DSE: variants seen among roughly 807,000 people sequenced by gnomAD.
The protein encoded by DSE is dermatan-sulfate epimerase.
A neutral mutation model predicts 84.4 loss-of-function variants in DSE; 36 were observed. The ratio of observed to expected loss-of-function variants is 0.43; its 90% CI spans 0.33 to 0.56. The LOEUF (loss-of-function observed/expected upper bound fraction) is 0.56. Ranked by LOEUF, DSE falls within the 20% of genes least tolerant of loss-of-function variation. The pLI is 0.06. For synonymous variants in DSE, 410 were observed against 430.1 expected, an observed-to-expected ratio of 0.95 and a Z score of 0.58; for missense variants, 862 against 1,169.6, an observed-to-expected ratio of 0.74 and a Z score of 3.84.
chr6:116,335,084 T>C (rs1273677792), intron 2 of DSE, among the ~76,000 whole-genome samples: 2 of 152,186 alleles, frequency 1.3e-5, no homozygotes, highest in Non-Finnish European at 1.5e-5. Context: ...TGTATGTTCA[T>C]TGCAGCACTA....
chr6:116,295,360 T>C (rs1398554004), intron 2 of DSE, among the ~76,000 whole-genome samples: 2 of 152,196 alleles, frequency 1.3e-5, no homozygotes, highest in Non-Finnish European at 2.9e-5. Flanking sequence ...TGGAGTATTA[T>C]GTTCTGCTGT....
At chr6:116,292,577 G>T (rs1281509046) in intron 2 of DSE, among the ~76,000 whole-genome samples, 1 of 152,148 alleles carries the variant, frequency 6.6e-6, no homozygotes, top group Non-Finnish European at 1.5e-5. Flanking sequence ...TCAAGGAGAT[G>T]CAGGGTTGAG....
chr6:116,434,131 A>G (rs1784010344), intron 5 of DSE, among the ~76,000 whole-genome samples: 1 of 152,166 alleles, frequency 6.6e-6, no homozygotes, highest in Admixed American at 6.6e-5. Context: ...CACTTTGATA[A>G]TAAAAGGACC....
rs1378234316 is a variant in DSE at position 116,435,678 on chromosome 6, AG to A, written c.1211del (p.Ser404MetfsTer81). The A allele has an allele frequency of 6.2e-7, 1 of 1,614,148 alleles. No homozygotes were observed. Among genetic ancestry groups the A allele is most frequent in the South Asian group, 1.1e-5 (1 of 91,084 alleles). ...AGACTGGGGTGTCGTGACTTATGGA[AG>A]TGCACTACCTGCAGAAATCAATAGA... ...FEDWGVVTYG[S>X]ALPAEINRSF... On this transcript the variant is annotated frameshift_variant, in exon 6 of 6. Coordinates refer to ENST00000644252, the MANE Select transcript of DSE (RefSeq NM_013352.4). LOFTEE classifies it high-confidence loss of function.
chr6:116,421,464 T>TATATATATATATA (rs57759351), intron 2 of DSE, among the ~76,000 whole-genome samples: 28 of 39,808 alleles, frequency 7.0e-4, no homozygotes, highest in African/African-American at 2.8e-3. Flanking sequence ...TATATATATA[T>TATATATATATATA]TTTTTTTTTT....
intron 1 of DSE, among the ~76,000 whole-genome samples, chr6:116,395,430 TAAAG>T (rs1312717407): frequency 6.6e-6 from 1 of 151,522 alleles, no homozygotes; most frequent in Non-Finnish European, 1.5e-5. Context: ...GTCTAAAAAA[TAAAG>T]AAAGTGGGAG....
At chr6:116,386,221 C>G (rs922260457) in intron 1 of DSE, among the ~76,000 whole-genome samples, 1 of 152,162 alleles carries the variant, frequency 6.6e-6, no homozygotes, top group Admixed American at 6.6e-5. Flanking sequence ...GTGAAAGTAT[C>G]ACATTTTCTT....
At chr6:116,383,669 CTTTCTCAT>C (rs1780390950) in intron 1 of DSE, among the ~76,000 whole-genome samples, 1 of 152,186 alleles carries the variant, frequency 6.6e-6, no homozygotes, top group African/African-American at 2.4e-5. Flanking sequence ...CTCTGGGCAC[CTTTCTCAT>C]ATTATCATTC....
At chr6:116,319,956 T>G (rs1173264706) in intron 2 of DSE, among the ~76,000 whole-genome samples, 1 of 152,200 alleles carries the variant, frequency 6.6e-6, no homozygotes, top group African/African-American at 2.4e-5. Context: ...TTGGTAACTG[T>G]CCCTGACTTT....
intron 2 of DSE, among the ~76,000 whole-genome samples, chr6:116,298,335 A>T (rs926399090): frequency 6.6e-6 from 1 of 152,220 alleles, no homozygotes; most frequent in African/African-American, 2.4e-5. Context: ...TGACCTTGAG[A>T]TAGGGATATT....
chr6:116,337,994 C>T (rs191594609), intron 2 of DSE, among the ~76,000 whole-genome samples: 1 of 152,134 alleles, frequency 6.6e-6, no homozygotes, highest in Non-Finnish European at 1.5e-5. Flanking sequence ...ACTTCAGAAA[C>T]TAGAAGAAAT....
intron 2 of DSE, among the ~76,000 whole-genome samples, chr6:116,404,062 T>C (rs892196373): frequency 6.6e-6 from 1 of 152,132 alleles, no homozygotes; most frequent in African/African-American, 2.4e-5. Flanking sequence ...GAATTTTGCA[T>C]GTGTAGAAAA....
At chr6:116,369,747 G>A, upstream of DSE, 1 of 409,772 alleles carries the variant, frequency 2.4e-6, no homozygotes, top group Non-Finnish European at 4.5e-6. Context: ...TTTGTAAGGA[G>A]TTCCTCTTAA....
chr6:116,321,337 A>ATT (rs66863151), intron 2 of DSE, among the ~76,000 whole-genome samples: 24,880 of 115,286 alleles, frequency 0.22, 2,588 homozygotes, highest in East Asian at 0.45. Context: ...CTAATTTTTC[A>ATT]TTTTTTTTTT....
At chr6:116,353,175 G>C (rs1193332444) in intron 2 of DSE, among the ~76,000 whole-genome samples, 3 of 152,156 alleles carry the variant, frequency 2.0e-5, no homozygotes, top group Non-Finnish European at 4.4e-5. Context: ...GTGTGGGTCT[G>C]TGTGTGTATA....
intron 2 of DSE, among the ~76,000 whole-genome samples, chr6:116,342,904 G>A (rs1213222215): frequency 1.3e-5 from 2 of 152,186 alleles, no homozygotes; most frequent in African/African-American, 4.8e-5. Flanking sequence ...GCCAAGGAAA[G>A]CCATGACAGA....
At chr6:116,261,047 C>T (rs985589158) in intron 2 of DSE, among the ~76,000 whole-genome samples, 4 of 152,154 alleles carry the variant, frequency 2.6e-5, no homozygotes, top group African/African-American at 9.7e-5. Context: ...ATAGGAATAG[C>T]ACTGAATCTA....
chr6:116,350,864 A>C (rs1425491903), intron 2 of DSE, among the ~76,000 whole-genome samples: 2 of 152,144 alleles, frequency 1.3e-5, no homozygotes, highest in African/African-American at 4.8e-5. Flanking sequence ...CATGACGAAC[A>C]TAGACTATTT....
intron 2 of DSE, among the ~76,000 whole-genome samples, chr6:116,301,596 T>G (rs1008336551): frequency 3.9e-5 from 6 of 152,206 alleles, no homozygotes; most frequent in Non-Finnish European, 8.8e-5. Context: ...CATCCTTACT[T>G]AAACCGCCTC....
Sources: gnomAD v4.1 joint callset for allele counts (sites outside exome capture counted in the v4.1 genomes callset) on GRCh38, gnomAD v4.1.1 for gene constraint, MANE v1.5 for transcripts, NCBI Gene and HGNC (gene_info 2026-07-23, HGNC 2026-07-21) for gene names.